The following NRG1 variants were observed in gnomAD, a reference collection of about 807,000 sequenced individuals.
NRG1 encodes the protein neuregulin 1.
In NRG1, 18 loss-of-function variants were observed where a neutral mutation model predicts 63.8. That is an observed-to-expected ratio of 0.28 (90% confidence interval 0.19 to 0.42). The LOEUF (loss-of-function observed/expected upper bound fraction) is 0.42, where lower values mean the gene tolerates loss of function less well. Among genes scored for constraint, NRG1 ranks in the 10% least tolerant of loss-of-function variants. The probability of loss-of-function intolerance (pLI) is 1.00; values close to 1 mark genes in which losing one functional copy is unlikely to be tolerated. For missense variants in NRG1, 762 were observed against 814.7 expected (o/e 0.94, Z 0.79); for synonymous variants, 302 against 301.3 (o/e 1.00, Z -0.02).
intron 1 of NRG1, among the ~76,000 whole-genome samples, chr8:32,064,975 T>C (rs975629942): frequency 3.3e-5 from 5 of 152,128 alleles, no homozygotes; most frequent in Non-Finnish European, 7.4e-5. Context: ...CAAGTAAACT[T>C]GAAGAAACCA....
At chr8:31,887,765 G>A (rs1830835081) in intron 1 of NRG1, among the ~76,000 whole-genome samples, 1 of 152,040 alleles carries the variant, frequency 6.6e-6, no homozygotes, top group South Asian at 2.1e-4. Context: ...CAAGGAGAAT[G>A]TTAACCAGCT....
At chr8:32,204,688 T>C (rs1204264024) in intron 1 of NRG1, among the ~76,000 whole-genome samples, 6 of 152,202 alleles carry the variant, frequency 3.9e-5, no homozygotes, top group Non-Finnish European at 8.8e-5. Flanking sequence ...CCTCAATGGA[T>C]TGTAAGAATA....
intron 7 of NRG1, among the ~76,000 whole-genome samples, chr8:32,747,757 T>TATAC (rs1327735047): frequency 1.4e-5 from 2 of 147,940 alleles, no homozygotes; most frequent in African/African-American, 5.0e-5. Flanking sequence ...TATATATATA[T>TATAC]ACTTTAAAAA....
chr8:31,715,509 A>G (rs954916219), intron 1 of NRG1, among the ~76,000 whole-genome samples: 1 of 152,218 alleles, frequency 6.6e-6, no homozygotes, highest in Non-Finnish European at 1.5e-5. Context: ...CAATGTTAAT[A>G]TAATTGAATC....
At chr8:32,556,786 A>C (rs1346966610) in intron 1 of NRG1, among the ~76,000 whole-genome samples, 2 of 152,182 alleles carry the variant, frequency 1.3e-5, no homozygotes, top group Non-Finnish European at 2.9e-5. Flanking sequence ...CCTTTGTTGC[A>C]TATAATCTCC....
At chr8:32,548,942 C>T (rs1008953972) in intron 1 of NRG1, 116 bp downstream of exon 1, 2 of 1,326,608 alleles carry the variant, frequency 1.5e-6, no homozygotes, top group South Asian at 1.5e-5. Context: ...CCTCTTCGCC[C>T]TGCGCTCTGA....
At chr8:32,755,586 G>A (rs560967841) in intron 8 of NRG1, among the ~76,000 whole-genome samples, 64 of 152,224 alleles carry the variant, frequency 4.2e-4, no homozygotes, top group African/African-American at 1.0e-3. Context: ...AACATGTTAC[G>A]ATTGTGCCAA....
intron 1 of NRG1, among the ~76,000 whole-genome samples, chr8:32,052,411 G>A (rs1822135890): frequency 6.6e-6 from 1 of 151,622 alleles, no homozygotes; most frequent in African/African-American, 2.4e-5. Context: ...GAGTAGCTGG[G>A]ACTACAGGCA....
At chr8:31,885,008 A>G (rs1296450420) in intron 1 of NRG1, among the ~76,000 whole-genome samples, 1 of 152,124 alleles carries the variant, frequency 6.6e-6, no homozygotes, top group Non-Finnish European at 1.5e-5. Context: ...GTGGGTATGG[A>G]GTTTTTCAGT....
At chr8:31,726,528 T>C (rs1813460439) in intron 1 of NRG1, among the ~76,000 whole-genome samples, 1 of 152,184 alleles carries the variant, frequency 6.6e-6, no homozygotes, top group African/African-American at 2.4e-5. Flanking sequence ...TGGGAATGTA[T>C]ATTTTTATAA....
At chr8:32,317,398 T>C (rs1368728424) in intron 1 of NRG1, among the ~76,000 whole-genome samples, 2 of 152,200 alleles carry the variant, frequency 1.3e-5, no homozygotes, top group Non-Finnish European at 2.9e-5. Flanking sequence ...TTTCTTTCTT[T>C]TGGGATCACA....
intron 1 of NRG1, among the ~76,000 whole-genome samples, chr8:32,335,123 G>A (rs1040205746): frequency 5.3e-5 from 8 of 152,138 alleles, no homozygotes; most frequent in Admixed American, 2.6e-4. Context: ...TGGTAAAGCA[G>A]GTGGTAATTT....
At chr8:31,674,530 G>C (rs749195127) in intron 1 of NRG1, among the ~76,000 whole-genome samples, 1 of 149,192 alleles carries the variant, frequency 6.7e-6, no homozygotes, top group Non-Finnish European at 1.5e-5. Context: ...ATGGATCCCC[G>C]TTTATCTTTC....
chr8:32,460,816 T>G (rs969869554), intron 1 of NRG1, among the ~76,000 whole-genome samples: 1 of 152,192 alleles, frequency 6.6e-6, no homozygotes, highest in African/African-American at 2.4e-5. Context: ...TTTTTGTCTT[T>G]TGCCTCTACT....
intron 1 of NRG1, among the ~76,000 whole-genome samples, chr8:32,565,765 T>C (rs1424869364): frequency 6.6e-6 from 1 of 152,198 alleles, no homozygotes; most frequent in Non-Finnish European, 1.5e-5. Context: ...ATAATTTCTG[T>C]GTGGTAATTT....
chr8:32,187,641 A>G lies in NRG1; in HGVS notation c.38-408187A>G, dbSNP rs542138967. Among the ~76,000 whole-genome samples the G allele has an allele frequency of 1.1e-3, 169 of 152,288 alleles. No individual in the cohort carries two copies. The South Asian group carries it at 0.034, about 30-fold the overall frequency. On this transcript the variant is annotated intron_variant, in intron 1 of 10. Coordinates refer to the NRG1 transcript ENST00000519301. ...TTTATGCTGCACTTAGGCTAAAGTC[A>G]CTGCCGAATAAGTCACTTCACTATC...
chr8:32,647,501 G>A (rs949901944), intron 5 of NRG1: 1 of 985,262 alleles, frequency 1.0e-6, no homozygotes, highest in African/African-American at 1.7e-5. Flanking sequence ...AGAAACAGCA[G>A]CTTAAAGAAT....
intron 1 of NRG1, among the ~76,000 whole-genome samples, chr8:32,253,219 C>A (rs1259307841): frequency 6.6e-6 from 1 of 152,200 alleles, no homozygotes; most frequent in East Asian, 1.9e-4. Context: ...CTGGCCAGAA[C>A]TTCCAATACA....
intron 5 of NRG1, among the ~76,000 whole-genome samples, chr8:32,627,195 G>A (rs2129543517): frequency 6.6e-6 from 1 of 152,154 alleles, no homozygotes; most frequent in African/African-American, 2.4e-5. Context: ...AAAAGATGAT[G>A]ACATTCTATA....
Sources: gnomAD v4.1 joint callset for allele counts (sites outside exome capture counted in the v4.1 genomes callset) on GRCh38, gnomAD v4.1.1 for gene constraint, MANE v1.5 for transcripts, NCBI Gene and HGNC (gene_info 2026-07-23, HGNC 2026-07-21) for gene names.